RFX2: variants seen among roughly 807,000 people sequenced by gnomAD.
RFX2 encodes DNA-binding protein RFX2.
RFX2 carries 20 observed loss-of-function variants against 87.8 expected under a neutral mutation model. That is an observed-to-expected ratio of 0.23 (90% CI 0.16 to 0.33). The LOEUF (loss-of-function observed/expected upper bound fraction) is 0.33. RFX2 is among the 10% of genes least tolerant of loss of function. The probability of loss-of-function intolerance (pLI) is 1.00; values close to 1 mark genes in which losing one functional copy is unlikely to be tolerated. For synonymous variants in RFX2, 397 were observed against 431.3 expected (o/e 0.92, Z 0.98); for missense variants, 767 against 1,012.3 (o/e 0.76, Z 3.29).
At chr19:6,088,557 C>G (rs148596542) in intron 1 of RFX2, among the ~76,000 whole-genome samples, 2 of 151,970 alleles carry the variant, frequency 1.3e-5, no homozygotes, top group East Asian at 1.9e-4. Context: ...AAGAAGGCAA[C>G]GAAATTCATC....
chr19:6,028,341 T>G (rs1402399407), intron 5 of RFX2, among the ~76,000 whole-genome samples: 1 of 152,210 alleles, frequency 6.6e-6, no homozygotes, highest in Non-Finnish European at 1.5e-5. Flanking sequence ...ACTGTTTTAG[T>G]TGAAGTACAT....
intron 1 of RFX2, chr19:6,077,171 G>A (rs966429868): frequency 2.0e-5 from 3 of 152,242 alleles, no homozygotes; most frequent in Non-Finnish European, 2.9e-5. Context: ...GAGAGGGAGT[G>A]AGCCAGCAAG....
At chr19:6,009,244 T>C (rs1361326464) in intron 9 of RFX2, among the ~76,000 whole-genome samples, 7 of 152,032 alleles carry the variant, frequency 4.6e-5, no homozygotes, top group African/African-American at 1.4e-4. Context: ...CTGTTTGGGC[T>C]CAAAAAAGAT....
Position 6,024,556 on chromosome 19 carries a change from G to A in RFX2, c.597+1607C>T, listed in dbSNP as rs1023225253. ...CCCTGAGGCAAAGGGCAGAGGCCTC[G>A]TCAGGGGCTGCGGTGAGCAGGTGAC... On this transcript the variant is annotated intron_variant, in intron 6 of 17. Coordinates refer to ENST00000303657, the MANE Select transcript of RFX2 (RefSeq NM_000635.4). The surrounding 1 kb of genome is among the most constrained non-coding windows in gnomAD (Gnocchi z 5.0). Among the ~76,000 whole-genome samples, 8 of 152,230 alleles carry A rather than the reference G, an allele frequency of 5.3e-5. No homozygotes were observed. Among genetic ancestry groups the A allele is most frequent in the Admixed American group, 1.3e-4 (2 of 15,288 alleles).
At chr19:6,105,917 G>T (rs1052082647) in intron 1 of RFX2, among the ~76,000 whole-genome samples, 1 of 152,114 alleles carries the variant, frequency 6.6e-6, no homozygotes, top group Non-Finnish European at 1.5e-5. Flanking sequence ...TAAGTTTAAG[G>T]TGCCTGTCAG....
intron 1 of RFX2, among the ~76,000 whole-genome samples, chr19:6,107,497 A>G (rs1245504790): frequency 1.3e-5 from 2 of 150,414 alleles, no homozygotes; most frequent in Non-Finnish European, 3.0e-5. Context: ...CATGCCTGTA[A>G]TCCCAGCTAT....
intron 1 of RFX2, among the ~76,000 whole-genome samples, chr19:6,081,069 G>T (rs959161744): frequency 6.6e-6 from 1 of 151,462 alleles, no homozygotes; most frequent in Non-Finnish European, 1.5e-5. Context: ...AATTGCTAAG[G>T]GAAGCCCCAG....
intron 1 of RFX2, among the ~76,000 whole-genome samples, chr19:6,058,240 G>C (rs1342165049): frequency 3.3e-5 from 5 of 152,176 alleles, no homozygotes; most frequent in Non-Finnish European, 7.3e-5. Context: ...CTCACTCCAT[G>C]CCAAGAGCAC....
At chr19:6,035,116 A>T (rs866848789) in intron 5 of RFX2, among the ~76,000 whole-genome samples, 18 of 152,200 alleles carry the variant, frequency 1.2e-4, no homozygotes, top group African/African-American at 4.3e-4. Context: ...TATGAGAAAA[A>T]TTTTAAAAAA....
At position 6,007,720 on chromosome 19, in the gene RFX2, G is replaced by A. The variant is rs1441800802; in HGVS notation, c.1217C>T (p.Ser406Phe). 6.4e-7 allele frequency: 1 copy of A among 1,555,390 alleles called. No homozygotes were observed. The highest frequency in any genetic ancestry group is 1.9e-5 in the Admixed American group (1 of 51,852). ...WLSFWNSKAS[S>F]SDGPTSLPAS... ...AGGAAGAGAGGTGGGGCCGTCGCTG[G>A]AGGAGGCCTTAGAGTTCCAGAAGGA... The change falls in exon 11 of 18, where the codon TCC becomes TTC. Residue 406 changes from serine to phenylalanine, a missense_variant. By Grantham distance (155) the Ser-to-Phe change is radical. Coordinates refer to ENST00000303657, the MANE Select transcript of RFX2 (RefSeq NM_000635.4). This position sits in a 1 kb window ranked among gnomAD's most constrained non-coding sequence, Gnocchi z 8.2.
rs780875211 is a variant in RFX2 at position 5,994,969 on chromosome 19, G to A, written c.2057-19C>T. The A allele has an allele frequency of 8.2e-6, 13 of 1,580,900 alleles. No homozygotes were observed. Among genetic ancestry groups the A allele is most frequent in the Middle Eastern group, 3.3e-4 (2 of 6,022 alleles). On this transcript the variant is annotated intron_variant, in intron 17 of 17. Coordinates refer to ENST00000303657, the MANE Select transcript of RFX2 (RefSeq NM_000635.4). ...ATGTCATCTGCGGAGGGAGGGGTAG[G>A]GTCAGTGTCCATCATCAGGAGGGCA... is the stretch of plus-strand genomic sequence containing the variant.
Position 5,995,621 on chromosome 19 carries a change from G to A in RFX2, c.2036C>T (p.Ser679Leu). ...MGEFNDLASL[S>L]LTLLDKDDMG... ...CCTACCTTTGTCGAGCAGCGTCAGC[G>A]ACAGAGAGGCGAGATCGTTGAACTG... is the stretch of plus-strand genomic sequence containing the variant. Residue 679 changes from serine to leucine, a missense_variant, in exon 17 of 18, where the codon TCG (serine) becomes TTG (leucine). Around this residue, in one of 2 missense-constraint regions of RFX2, gnomAD observed 621 missense variants for 873.0 expected, o/e 0.71. Coordinates refer to ENST00000303657, the MANE Select transcript of RFX2 (RefSeq NM_000635.4). 1 of 1,552,602 alleles carries A rather than the reference G, an allele frequency of 6.4e-7. No homozygotes were observed. Among genetic ancestry groups the A allele is most frequent in the South Asian group, 1.2e-5 (1 of 84,074 alleles).
rs1193089562 is a variant in RFX2, at chr19:6,011,165, A to T, written c.900-914T>A. Among the ~76,000 whole-genome samples, 2 of 152,108 alleles carry T rather than the reference A, an allele frequency of 1.3e-5. No homozygotes were observed. Among genetic ancestry groups the T allele is most frequent in the African/African-American group, 2.4e-5 (1 of 41,404 alleles). ...AAATAAAATAAAATAAAATAAAATA[A>T]AAGGGAGATTCTTTGCGTGAATCAC... is the stretch of plus-strand genomic sequence containing the variant. On this transcript the variant is annotated intron_variant, in intron 8 of 17. Transcript: ENST00000303657. The surrounding 1 kb of genome is among the most constrained non-coding windows in gnomAD (Gnocchi z 4.8).
In RFX2 at chr19:6,083,861, C is replaced by T. The variant is rs907852658; in HGVS notation, c.-9+26532G>A. Among the ~76,000 whole-genome samples, 3 of 152,098 alleles carry T rather than the reference C, an allele frequency of 2.0e-5. No individual in the cohort carries two copies. The highest frequency in any genetic ancestry group is 7.2e-5 in the African/African-American group (3 of 41,394). On this transcript the variant is annotated intron_variant, in intron 1 of 17. Transcript: ENST00000303657. The surrounding 1 kb of genome is among the most constrained non-coding windows in gnomAD (Gnocchi z 4.6). ...ATAGGCAGCGGAAAATGCCTGCTAGCGAGTAGGCACTCAAACGTGTCTGAA... is the reference window on the plus strand; with the variant it reads ...ATAGGCAGCGGAAAATGCCTGCTAGTGAGTAGGCACTCAAACGTGTCTGAA...
Position 6,101,342 on chromosome 19 carries a change from GTC to G in RFX2, c.-9+9049_-9+9050del, listed in dbSNP as rs2088124421. Among the ~76,000 whole-genome samples, 1 of 152,170 alleles carries G rather than the reference GTC, an allele frequency of 6.6e-6. No homozygotes were observed. The highest frequency in any genetic ancestry group is 2.1e-4 in the South Asian group (1 of 4,828). ...TTTTTTCTCAAGGCAGGCTACATCT[GTC>G]TGTATGTATTCTGAGAAGGACAGGA... On this transcript the variant is annotated intron_variant, in intron 1 of 17. Transcript: ENST00000303657. This position sits in a 1 kb window ranked among gnomAD's most constrained non-coding sequence, Gnocchi z 4.9.
At chr19:6,079,814 A>G (rs1257193597) in intron 1 of RFX2, among the ~76,000 whole-genome samples, 8 of 150,254 alleles carry the variant, frequency 5.3e-5, no homozygotes, top group Non-Finnish European at 1.0e-4. Context: ...TGAACCAGGG[A>G]GCCGGAGGTT....
Position 6,008,375 on chromosome 19 carries a change from CTTTTTTT to C in RFX2, c.1016-158_1016-152del, listed in dbSNP as rs112977122. On this transcript the variant is annotated intron_variant, in intron 9 of 17. Coordinates refer to ENST00000303657, the MANE Select transcript of RFX2 (RefSeq NM_000635.4). ...TTGTTTTTTCTTTCTTTTTCTTTTT[CTTTTTTT>C]TTTTTTTGGAGACAGGGCCTTGCTC... 2,069 of 399,804 alleles carry C rather than the reference CTTTTTTT, an allele frequency of 5.2e-3. 10 individuals carry two copies. The highest frequency in any genetic ancestry group is 0.011 in the South Asian group (157 of 14,504). The allele number at this position is 399,804 out of a possible 1,614,324, so 24.8% of individuals were successfully genotyped here. A position where few individuals can be genotyped will look rare whatever the true frequency, so the allele number is the denominator to read the frequency against.
In RFX2 at chr19:6,020,965, G is replaced by A. The variant is rs892714743; in HGVS notation, c.598-4694C>T. ...AAATGCCAGCGCCTCCCTCTCCCCG[G>A]CCCCCCAACAAAGGCCTGTGGTTCT... On this transcript the variant is annotated intron_variant, in intron 6 of 17. Coordinates refer to ENST00000303657, the MANE Select transcript of RFX2 (RefSeq NM_000635.4). The surrounding 1 kb of genome is among the most constrained non-coding windows in gnomAD (Gnocchi z 5.3). Among the ~76,000 whole-genome samples the A allele has an allele frequency of 3.3e-5, 5 of 152,006 alleles. No homozygotes were observed. Among genetic ancestry groups the A allele is most frequent in the Admixed American group, 6.6e-5 (1 of 15,260 alleles).
intron 1 of RFX2, among the ~76,000 whole-genome samples, chr19:6,058,111 A>T (rs565389023): frequency 3.3e-4 from 50 of 152,278 alleles, no homozygotes; most frequent in African/African-American, 1.1e-3. Context: ...TGCCCTGATA[A>T]TCACCAAAGA....
Sources: allele counts gnomAD v4.1 joint callset (sites outside exome capture counted in the v4.1 genomes callset), GRCh38; gene constraint gnomAD v4.1.1; regional missense constraint gnomAD v4.1.1; non-coding constraint Gnocchi (gnomAD v3.1); transcripts MANE v1.5; gene names NCBI Gene and HGNC (gene_info 2026-07-23, HGNC 2026-07-21).